Variants in GLIS3 observed in about 807,000 individuals in gnomAD.
The protein encoded by GLIS3 is GLIS family zinc finger 3, also known as zinc finger protein GLIS3.
In GLIS3, 53 loss-of-function variants were observed where a neutral mutation model predicts 78.6. The observed-to-expected ratio is 0.67, with a 90% CI of 0.54 to 0.85. GLIS3 has a LOEUF of 0.85. Ranked by LOEUF, GLIS3 falls within the 40% of genes least tolerant of loss-of-function variation. The probability of loss-of-function intolerance (pLI) is 0.00; values close to 1 mark genes in which losing one functional copy is unlikely to be tolerated. For synonymous variants in GLIS3, 684 were observed against 509.9 expected, an observed-to-expected ratio of 1.34 and a Z score of -4.60; for missense variants, 1,703 against 1,231.1, an observed-to-expected ratio of 1.38 and a Z score of -5.74.
intron 2 of GLIS3, among the ~76,000 whole-genome samples, chr9:4,214,075 C>T (rs558384631): frequency 6.6e-6 from 1 of 152,290 alleles, no homozygotes; most frequent in Admixed American, 6.5e-5. Flanking sequence ...TCATCTCACT[C>T]ATAGCCTTTG....
At chr9:4,353,252 G>C (rs1817997469), upstream of GLIS3, among the ~76,000 whole-genome samples, 1 of 152,258 alleles carries the variant, frequency 6.6e-6, no homozygotes, top group South Asian at 2.1e-4. Flanking sequence ...AAAACCACAG[G>C]CTGGGTACAG....
At chr9:4,309,673 C>T (rs1394790279) in intron 3 of GLIS3, among the ~76,000 whole-genome samples, 4 of 152,182 alleles carry the variant, frequency 2.6e-5, no homozygotes. Context: ...CACTCATATA[C>T]ATTTTAACTC....
At chr9:3,891,537 T>G (rs1042467060) in intron 7 of GLIS3, among the ~76,000 whole-genome samples, 8 of 152,186 alleles carry the variant, frequency 5.3e-5, no homozygotes, top group African/African-American at 1.9e-4. Flanking sequence ...CTACACAAAA[T>G]AATTTTAAAA....
intron 1 of GLIS3, among the ~76,000 whole-genome samples, chr9:4,293,621 A>G (rs1437534941): frequency 6.6e-6 from 1 of 152,260 alleles, no homozygotes; most frequent in East Asian, 1.9e-4. Flanking sequence ...AAGAATAACA[A>G]AACTTCGTAA....
At chr9:4,024,385 AT>A (rs961413813) in intron 4 of GLIS3, among the ~76,000 whole-genome samples, 5 of 152,032 alleles carry the variant, frequency 3.3e-5, no homozygotes, top group African/African-American at 9.7e-5. Flanking sequence ...AGAATTTATT[AT>A]TTTTTTTCTG....
chr9:3,991,791 T>C (rs1664217), intron 4 of GLIS3, among the ~76,000 whole-genome samples: 3,037 of 150,088 alleles, frequency 0.02, 55 homozygotes, highest in African/African-American at 0.05. Context: ...CCCGGCTTCA[T>C]GCCATTCTCC....
intron 4 of GLIS3, among the ~76,000 whole-genome samples, chr9:4,048,283 G>C (rs1825420106): frequency 1.3e-5 from 2 of 152,178 alleles, no homozygotes; most frequent in South Asian, 4.1e-4. Flanking sequence ...TGATATGTGT[G>C]AGGATCAAGA....
At chr9:3,967,834 CAGA>C (rs1326789484) in intron 4 of GLIS3, among the ~76,000 whole-genome samples, 3 of 152,162 alleles carry the variant, frequency 2.0e-5, no homozygotes, top group East Asian at 3.9e-4. Context: ...AAAGAATGTG[CAGA>C]AGGACAGGCA....
intron 4 of GLIS3, among the ~76,000 whole-genome samples, chr9:3,965,901 G>A (rs1344865201): frequency 6.6e-6 from 1 of 152,222 alleles, no homozygotes; most frequent in Non-Finnish European, 1.5e-5. Context: ...TAACCACTGT[G>A]TAGGCACATG....
At chr9:4,306,888 T>C (rs1488502582) in intron 4 of GLIS3, among the ~76,000 whole-genome samples, 4 of 152,240 alleles carry the variant, frequency 2.6e-5, no homozygotes, top group Non-Finnish European at 5.9e-5. Flanking sequence ...CTAGACTGAA[T>C]TTAGGGCCCA....
chr9:4,413,296 C>T, the GLIS3 span, among the ~76,000 whole-genome samples: 14 of 152,176 alleles, frequency 9.2e-5, no homozygotes, highest in African/African-American at 2.9e-4. Flanking sequence ...TAGTGCCTAG[C>T]ACATTAAATC....
chr9:4,464,540 G>T, the GLIS3 span, among the ~76,000 whole-genome samples: 1 of 151,876 alleles, frequency 6.6e-6, no homozygotes, highest in Non-Finnish European at 1.5e-5. Context: ...GATTACAAGT[G>T]CCCACCACAA....
At chr9:4,126,359 T>C (rs1186097104) in intron 2 of GLIS3, among the ~76,000 whole-genome samples, 1 of 152,230 alleles carries the variant, frequency 6.6e-6, no homozygotes, top group Non-Finnish European at 1.5e-5. Flanking sequence ...TTTAACTGGT[T>C]TACTTCATTC....
upstream of GLIS3, among the ~76,000 whole-genome samples, chr9:4,304,465 T>C (rs10115845): frequency 0.082 from 12,435 of 152,254 alleles, 889 homozygotes; most frequent in African/African-American, 0.18. Flanking sequence ...GTCTGCGCCC[T>C]GCTCCAGTGA....
intron 4 of GLIS3, among the ~76,000 whole-genome samples, chr9:3,975,551 A>G (rs1332848094): frequency 6.8e-6 from 1 of 148,074 alleles, no homozygotes; most frequent in Non-Finnish European, 1.5e-5. Flanking sequence ...GTGTTTCTGC[A>G]TTTGCATTGC....
chr9:4,294,989 G>C (rs771347229), intron 1 of GLIS3, among the ~76,000 whole-genome samples: 2 of 152,136 alleles, frequency 1.3e-5, no homozygotes, highest in Non-Finnish European at 2.9e-5. Flanking sequence ...ATGGCTTATG[G>C]AACCAGTTTA....
chr9:4,410,688 T>C, the GLIS3 span, among the ~76,000 whole-genome samples: 1 of 152,208 alleles, frequency 6.6e-6, no homozygotes, highest in Non-Finnish European at 1.5e-5. Context: ...GTTTTAGTGA[T>C]CAGGGGACGT....
At position 4,269,298 on chromosome 9, in the gene GLIS3, A is replaced by T. The variant is rs1201493255; in HGVS notation, c.388+16740T>A. On this transcript the variant is annotated intron_variant, in intron 2 of 10. Coordinates refer to ENST00000381971, the MANE Select transcript of GLIS3 (RefSeq NM_001042413.2). ...CCCCTCCCTGCCCACAGATATTATA[A>T]TATCATATGCACAAATCATGTGACA... 4.6e-5 allele frequency among the ~76,000 whole-genome samples: 7 copies of T among 150,572 alleles called. No individual in the cohort carries two copies. In the East Asian group the frequency reaches 1.3e-3, roughly 29 times the overall value.
intron 4 of GLIS3, among the ~76,000 whole-genome samples, chr9:4,059,987 A>C (rs955350090): frequency 2.0e-5 from 3 of 152,170 alleles, no homozygotes; most frequent in African/African-American, 7.2e-5. Context: ...ATGTTGAATC[A>C]GAACCTTACC....
Sources: gnomAD v4.1 joint callset for allele counts (sites outside exome capture counted in the v4.1 genomes callset) on GRCh38, gnomAD v4.1.1 for gene constraint, MANE v1.5 for transcripts, NCBI Gene and HGNC (gene_info 2026-07-23, HGNC 2026-07-21) for gene names.